The following CNTNAP5 variants were observed in gnomAD, a reference collection of about 807,000 sequenced individuals.
CNTNAP5 encodes the protein contactin associated protein family member 5, also known as contactin-associated protein-like 5.
CNTNAP5 carries 72 observed loss-of-function variants against 150.2 expected under a neutral mutation model. The observed-to-expected ratio is 0.48, with a 90% CI of 0.40 to 0.58. The LOEUF (loss-of-function observed/expected upper bound fraction) is 0.58, where lower values mean the gene tolerates loss of function less well. Among genes scored for constraint, CNTNAP5 ranks in the 20% least tolerant of loss-of-function variants. The pLI, the probability that CNTNAP5 is intolerant of heterozygous loss-of-function variation, is 0.00. For missense variants in CNTNAP5, 1,636 were observed against 1,626.2 expected (o/e 1.01, Z -0.10); for synonymous variants, 672 against 619.8 (o/e 1.08, Z -1.25).
At chr2:124,183,013 A>G (rs12053179) in intron 1 of CNTNAP5, among the ~76,000 whole-genome samples, 20,176 of 152,208 alleles carry the variant, frequency 0.13, 1,430 homozygotes, top group Middle Eastern at 0.33. Flanking sequence ...AAATCCTTCA[A>G]CATGGAAGAC....
chr2:124,568,500 G>A (rs1198387466), intron 11 of CNTNAP5, among the ~76,000 whole-genome samples: 3 of 152,176 alleles, frequency 2.0e-5, no homozygotes. Flanking sequence ...TTCCCCTAGA[G>A]AATACTGAAG....
chr2:124,240,418 T>C (rs577765193), intron 2 of CNTNAP5, among the ~76,000 whole-genome samples: 1 of 152,186 alleles, frequency 6.6e-6, no homozygotes, highest in South Asian at 2.1e-4. Context: ...ACATTCTTAT[T>C]GGAGAGAACT....
intron 13 of CNTNAP5, among the ~76,000 whole-genome samples, chr2:124,665,334 T>C (rs1678675980): frequency 6.6e-6 from 1 of 152,230 alleles, no homozygotes; most frequent in Non-Finnish European, 1.5e-5. Context: ...TGAATATGAA[T>C]ATCCTGAATT....
chr2:124,308,330 C>A lies in CNTNAP5; in HGVS notation c.381+65937C>A, dbSNP rs533842155. On this transcript the variant is annotated intron_variant, in intron 3 of 23. Transcript: ENST00000682447. ...TACAAACCGTTTATCCATCCCCTGC[C>A]CTGGTTTCTAACATGATTCTTTATT... Among the ~76,000 whole-genome samples, 4 of 152,252 alleles carry A rather than the reference C, an allele frequency of 2.6e-5. No individual in the cohort carries two copies. The East Asian group carries it at 7.7e-4, about 29-fold the overall frequency.
intron 6 of CNTNAP5, among the ~76,000 whole-genome samples, chr2:124,457,167 T>A (rs557728306): frequency 3.3e-5 from 5 of 152,102 alleles, no homozygotes; most frequent in African/African-American, 1.2e-4. Context: ...ATCTATACAA[T>A]CTTTGTCACA....
In CNTNAP5 at chr2:124,448,917, G is replaced by A. The variant is rs1026966243; in HGVS notation, c.918+1980G>A. On this transcript the variant is annotated intron_variant, in intron 6 of 23. Transcript: ENST00000682447. Reference sequence around the variant, plus strand: ...AAAGAATCTTACGTTTGGATACACAGTCATGGCACACCAACACGTACATAC... The same window carrying A: ...AAAGAATCTTACGTTTGGATACACAATCATGGCACACCAACACGTACATAC... Among the ~76,000 whole-genome samples, 3 of 152,160 alleles carry A rather than the reference G, an allele frequency of 2.0e-5. 1 individual carries two copies. Among genetic ancestry groups the A allele is most frequent in the Admixed American group, 2.0e-4 (3 of 15,282 alleles).
At chr2:124,223,315 C>A (rs550301131) in intron 2 of CNTNAP5, among the ~76,000 whole-genome samples, 35 of 152,202 alleles carry the variant, frequency 2.3e-4, no homozygotes, top group African/African-American at 7.9e-4. Flanking sequence ...AGTTCAAATG[C>A]GAGCTATGCC....
intron 3 of CNTNAP5, among the ~76,000 whole-genome samples, chr2:124,407,327 T>G (rs1344188737): frequency 6.6e-6 from 1 of 152,230 alleles, no homozygotes; most frequent in Non-Finnish European, 1.5e-5. Context: ...ATTTATTTTG[T>G]TCATGGAACT....
At chr2:124,417,297 A>G in intron 3 of CNTNAP5, 146 bp from the exon 4 acceptor site, 1 of 788,410 alleles carries the variant, frequency 1.3e-6, no homozygotes, top group Non-Finnish European at 2.0e-6. Flanking sequence ...AACATGATGC[A>G]GGATTTTCAC....
At chr2:124,299,640 A>G (rs1468853699) in intron 3 of CNTNAP5, among the ~76,000 whole-genome samples, 3 of 151,106 alleles carry the variant, frequency 2.0e-5, no homozygotes, top group African/African-American at 7.3e-5. Flanking sequence ...ATAGTGCTGC[A>G]ATGAACATGT....
At chr2:124,581,771 T>C (rs980460541) in intron 11 of CNTNAP5, among the ~76,000 whole-genome samples, 10 of 152,160 alleles carry the variant, frequency 6.6e-5, no homozygotes, top group Non-Finnish European at 1.2e-4. Flanking sequence ...TGAAGCCCGT[T>C]GAGATCCCAG....
intron 1 of CNTNAP5, among the ~76,000 whole-genome samples, chr2:124,075,928 T>G (rs1003734747): frequency 3.9e-5 from 6 of 152,176 alleles, no homozygotes; most frequent in African/African-American, 1.4e-4. Flanking sequence ...GAGGGCTTTG[T>G]CATTTACCTA....
chr2:124,692,848 G>A (rs979139337), intron 13 of CNTNAP5, among the ~76,000 whole-genome samples: 2 of 152,124 alleles, frequency 1.3e-5, no homozygotes, highest in Non-Finnish European at 2.9e-5. Context: ...CCAGGAGAAT[G>A]AGCGCCAATG....
chr2:124,491,453 GGAGA>G (rs3980966), intron 7 of CNTNAP5, among the ~76,000 whole-genome samples: 4 of 150,526 alleles, frequency 2.7e-5, no homozygotes, highest in Admixed American at 6.6e-5. Context: ...ACACACATAT[GGAGA>G]GAGAGAGAGA....
At chr2:124,826,274 C>T (rs1682590467) in intron 19 of CNTNAP5, among the ~76,000 whole-genome samples, 1 of 151,998 alleles carries the variant, frequency 6.6e-6, no homozygotes, top group African/African-American at 2.4e-5. Flanking sequence ...TCCTGGGTTC[C>T]TTGTGAAGGT....
rs190868580 is a variant in CNTNAP5 at position 124,346,959 on chromosome 2, C to T, written c.382-70484C>T. On this transcript the variant is annotated intron_variant, in intron 3 of 23. Transcript: ENST00000682447. ...ATAGCTGGGCATGGTCATGGTGGTGCGTGCCTGTAGTCCCAGCTACTCAGG... is the reference window on the plus strand; with the variant it reads ...ATAGCTGGGCATGGTCATGGTGGTGTGTGCCTGTAGTCCCAGCTACTCAGG... Among the ~76,000 whole-genome samples, 1,145 of 147,878 alleles carry T rather than the reference C, an allele frequency of 7.7e-3. 3 individuals carry two copies. The highest frequency in any genetic ancestry group is 0.026 in the East Asian group (130 of 5,044).
chr2:124,027,601 T>C (rs991727318), intron 1 of CNTNAP5, among the ~76,000 whole-genome samples: 3 of 152,242 alleles, frequency 2.0e-5, no homozygotes, highest in African/African-American at 7.2e-5. Context: ...TCATAAAACC[T>C]AAATGACATG....
At chr2:124,747,082 G>A (rs1173913757) in intron 13 of CNTNAP5, 147 bp from the exon 14 acceptor site, 2 of 618,514 alleles carry the variant, frequency 3.2e-6, no homozygotes, top group South Asian at 3.3e-5. Flanking sequence ...GGGAAGGGGG[G>A]ATGTGAGGGA....
intron 6 of CNTNAP5, among the ~76,000 whole-genome samples, chr2:124,458,558 T>C (rs111728678): frequency 2.0e-5 from 3 of 151,786 alleles, no homozygotes; most frequent in Admixed American, 6.6e-5. Context: ...AGACCACAAA[T>C]TGGGTGCCTT....
Sources: gnomAD v4.1 joint callset for allele counts (sites outside exome capture counted in the v4.1 genomes callset) on GRCh38, gnomAD v4.1.1 for gene constraint, MANE v1.5 for transcripts, NCBI Gene and HGNC (gene_info 2026-07-23, HGNC 2026-07-21) for gene names.